CDH10: variants seen among roughly 807,000 people sequenced by gnomAD.
The protein encoded by CDH10 is cadherin 10.
In CDH10, 30 loss-of-function variants were observed where a neutral mutation model predicts 73.1. The observed-to-expected ratio is 0.41, with a 90% CI of 0.31 to 0.56. The LOEUF is 0.56. CDH10 is among the 20% of genes least tolerant of loss of function. CDH10 has a pLI of 0.27. For synonymous variants in CDH10, 345 were observed against 348.2 expected (o/e 0.99, Z 0.10); for missense variants, 815 against 973.7 (o/e 0.84, Z 2.17).
At chr5:24,496,081 C>T (rs1742279203) in intron 9 of CDH10, among the ~76,000 whole-genome samples, 1 of 151,900 alleles carries the variant, frequency 6.6e-6, no homozygotes, top group African/African-American at 2.4e-5. Flanking sequence ...TATGTTTTAG[C>T]TTTTTCTATG....
At chr5:24,525,236 C>T (rs1162851486) in intron 5 of CDH10, among the ~76,000 whole-genome samples, 1 of 151,940 alleles carries the variant, frequency 6.6e-6, no homozygotes, top group Non-Finnish European at 1.5e-5. Context: ...CAATAAAGTT[C>T]AAAGAGATAT....
At chr5:24,615,299 G>A (rs1207282070) in intron 1 of CDH10, among the ~76,000 whole-genome samples, 1 of 151,902 alleles carries the variant, frequency 6.6e-6, no homozygotes, top group Admixed American at 6.6e-5. Context: ...ATTTCTGTTC[G>A]CATTTTTCAG....
At chr5:24,550,790 C>A (rs1744515585) in intron 2 of CDH10, among the ~76,000 whole-genome samples, 1 of 152,104 alleles carries the variant, frequency 6.6e-6, no homozygotes, top group African/African-American at 2.4e-5. Flanking sequence ...CTGAGTTTTT[C>A]TCCAACTTTA....
chr5:24,516,399 A>T (rs6885124), intron 5 of CDH10, among the ~76,000 whole-genome samples: 72,286 of 151,502 alleles, frequency 0.48, 17,315 homozygotes, highest in East Asian at 0.58. Context: ...TCCTAAAAAA[A>T]TGCCCACTAA....
intron 2 of CDH10, among the ~76,000 whole-genome samples, chr5:24,587,315 A>G: frequency 6.6e-6 from 1 of 152,362 alleles, no homozygotes; most frequent in East Asian, 1.9e-4. Flanking sequence ...TGATGAGCAA[A>G]CACAATAACA....
chr5:24,520,887 C>T (rs549572860), intron 5 of CDH10, among the ~76,000 whole-genome samples: 8 of 116,828 alleles, frequency 6.8e-5, no homozygotes, highest in Admixed American at 1.6e-4. Flanking sequence ...CCACTGCACC[C>T]GGCAAATTTT....
intron 1 of CDH10, among the ~76,000 whole-genome samples, chr5:24,598,762 G>A (rs1193501647): frequency 6.6e-6 from 1 of 152,052 alleles, no homozygotes; most frequent in African/African-American, 2.4e-5. Flanking sequence ...ATTCTTTTGA[G>A]ACTAAAATTA....
intron 2 of CDH10, among the ~76,000 whole-genome samples, chr5:24,545,439 C>T (rs1165019437): frequency 6.6e-6 from 1 of 152,160 alleles, no homozygotes; most frequent in Non-Finnish European, 1.5e-5. Context: ...ATCTGAGAAT[C>T]ATTCTTTCCT....
intron 1 of CDH10, among the ~76,000 whole-genome samples, chr5:24,643,241 C>A (rs1022817791): frequency 2.6e-5 from 4 of 151,962 alleles, no homozygotes; most frequent in Non-Finnish European, 5.9e-5. Flanking sequence ...AGGACATAAC[C>A]TCTTTCTTTC....
intron 1 of CDH10, among the ~76,000 whole-genome samples, chr5:24,619,588 G>T (rs756354529): frequency 2.0e-5 from 3 of 152,184 alleles, no homozygotes; most frequent in Non-Finnish European, 2.9e-5. Context: ...TAAAACAAAT[G>T]TATTTTGCCT....
chr5:24,507,186 G>T lies in CDH10; in HGVS notation c.1257-1938C>A, dbSNP rs114487920. Among the ~76,000 whole-genome samples, 100 of 151,906 alleles carry T rather than the reference G, an allele frequency of 6.6e-4. 1 individual carries two copies. Among genetic ancestry groups the T allele is most frequent in the African/African-American group, 2.2e-3 (92 of 41,456 alleles). On this transcript the variant is annotated intron_variant, in intron 7 of 11. Coordinates refer to ENST00000264463, the MANE Select transcript of CDH10 (RefSeq NM_006727.5). ...CATAACAACATATTGCATTAGTAAGGCTATTATATTTTTTAAATATATATA... is the reference window on the plus strand; with the variant it reads ...CATAACAACATATTGCATTAGTAAGTCTATTATATTTTTTAAATATATATA...
intron 2 of CDH10, among the ~76,000 whole-genome samples, chr5:24,543,645 A>G (rs1945339542): frequency 1.3e-5 from 2 of 152,150 alleles, no homozygotes; most frequent in African/African-American, 4.8e-5. Flanking sequence ...TAAACATAAT[A>G]TTAAATGGAA....
intron 8 of CDH10, among the ~76,000 whole-genome samples, chr5:24,504,531 T>TAAGATGGAA: frequency 7.9e-6 from 1 of 126,080 alleles, no homozygotes; most frequent in Non-Finnish European, 1.7e-5. Flanking sequence ...TTTTTTTTTT[T>TAAGATGGAA]TTTTTTTTTT....
intron 8 of CDH10, among the ~76,000 whole-genome samples, chr5:24,504,523 T>TTTTTTTTAAGATGGAATC (rs1742618820): frequency 8.2e-6 from 1 of 122,094 alleles, no homozygotes; most frequent in Non-Finnish European, 1.8e-5. Context: ...TTTTTTTTTT[T>TTTTTTTTAAGATGGAATC]TTTTTTTTTT....
chr5:24,588,328 C>A (rs1579849356), intron 2 of CDH10, among the ~76,000 whole-genome samples: 1 of 152,140 alleles, frequency 6.6e-6, no homozygotes, highest in Admixed American at 6.5e-5. Flanking sequence ...ATCCCTGTAT[C>A]CCCTACCCCA....
intron 2 of CDH10, among the ~76,000 whole-genome samples, chr5:24,552,129 A>C (rs951863424): frequency 6.6e-6 from 1 of 152,052 alleles, no homozygotes; most frequent in Non-Finnish European, 1.5e-5. Context: ...AAATATACAT[A>C]TATCTCCATT....
chr5:24,602,921 T>A (rs1746618086), intron 1 of CDH10, among the ~76,000 whole-genome samples: 1 of 152,178 alleles, frequency 6.6e-6, no homozygotes, highest in Non-Finnish European at 1.5e-5. Context: ...AATACATGCT[T>A]CCTGAATACA....
At chr5:24,513,491 T>C (rs1286658906) in intron 5 of CDH10, among the ~76,000 whole-genome samples, 1 of 152,156 alleles carries the variant, frequency 6.6e-6, no homozygotes, top group African/African-American at 2.4e-5. Flanking sequence ...AGCAGACACC[T>C]TGTTCTCAGG....
At chr5:24,619,590 A>G (rs907532100) in intron 1 of CDH10, among the ~76,000 whole-genome samples, 2 of 152,192 alleles carry the variant, frequency 1.3e-5, no homozygotes, top group African/African-American at 4.8e-5. Context: ...AAACAAATGT[A>G]TTTTGCCTGC....
Sources: allele counts gnomAD v4.1 joint callset (sites outside exome capture counted in the v4.1 genomes callset), GRCh38; gene constraint gnomAD v4.1.1; transcripts MANE v1.5; gene names NCBI Gene and HGNC (gene_info 2026-07-23, HGNC 2026-07-21).